Variants in SLIT3 observed in about 807,000 individuals in gnomAD.
The protein encoded by SLIT3 is slit homolog 3 protein.
Under a neutral mutation model 184.0 loss-of-function variants are expected in SLIT3, and 68 were observed. That is an observed-to-expected ratio of 0.37 (90% CI 0.30 to 0.45). The LOEUF (loss-of-function observed/expected upper bound fraction) is 0.45. Ranked by LOEUF, SLIT3 falls within the 20% of genes least tolerant of loss-of-function variation. SLIT3 has a pLI of 1.00. For missense variants in SLIT3, 1,707 were observed against 2,026.0 expected (o/e 0.84, Z 3.02); for synonymous variants, 831 against 828.6 (o/e 1.00, Z -0.05).
intron 4 of SLIT3, among the ~76,000 whole-genome samples, chr5:168,967,613 T>C (rs1215863571): frequency 6.9e-6 from 1 of 144,808 alleles, no homozygotes; most frequent in East Asian, 2.0e-4. Flanking sequence ...CTAATCTTTT[T>C]GTATTTTTAG....
chr5:168,743,275 C>T (rs184221266), intron 20 of SLIT3, among the ~76,000 whole-genome samples: 20 of 152,250 alleles, frequency 1.3e-4, no homozygotes, highest in East Asian at 9.6e-4. Context: ...ATGGCAACCC[C>T]GCCACAAGCA....
At chr5:168,669,197 A>T (rs1282477369) in intron 35 of SLIT3, among the ~76,000 whole-genome samples, 1 of 152,162 alleles carries the variant, frequency 6.6e-6, no homozygotes, top group African/African-American at 2.4e-5. Context: ...GACTGATGTA[A>T]CCAATGCAAT....
At chr5:168,896,201 A>G (rs1581188740) in intron 4 of SLIT3, among the ~76,000 whole-genome samples, 1 of 152,210 alleles carries the variant, frequency 6.6e-6, no homozygotes, top group Non-Finnish European at 1.5e-5. Flanking sequence ...ACCGTAGTGA[A>G]GGCACGGCTC....
At chr5:169,243,628 G>C (rs976792350) in intron 3 of SLIT3, among the ~76,000 whole-genome samples, 6 of 152,200 alleles carry the variant, frequency 3.9e-5, no homozygotes, top group Non-Finnish European at 5.9e-5. Flanking sequence ...TGTGGCCCCA[G>C]ATAAATTGAC....
intron 4 of SLIT3, among the ~76,000 whole-genome samples, chr5:169,163,307 C>A (rs1365619160): frequency 6.6e-6 from 1 of 151,418 alleles, no homozygotes; most frequent in African/African-American, 2.4e-5. Context: ...GGCCACCGTG[C>A]GAGGAAAAAA....
intron 6 of SLIT3, among the ~76,000 whole-genome samples, chr5:168,831,629 A>C (rs369070328): frequency 2.0e-5 from 3 of 152,118 alleles, no homozygotes; most frequent in Admixed American, 6.5e-5. Flanking sequence ...TTTTGTCTCA[A>C]TATTTGTACC....
chr5:169,056,461 C>T (rs1289229274), intron 4 of SLIT3, among the ~76,000 whole-genome samples: 3 of 152,196 alleles, frequency 2.0e-5, no homozygotes, highest in African/African-American at 7.2e-5. Context: ...CCAGGCATAA[C>T]TGATTTGTCT....
At chr5:169,015,793 G>A (rs1041083453) in intron 4 of SLIT3, among the ~76,000 whole-genome samples, 39 of 152,148 alleles carry the variant, frequency 2.6e-4, no homozygotes, top group Middle Eastern at 3.4e-3. Flanking sequence ...AATTAGCCAG[G>A]TGTGGTGGTA....
At position 168,755,948 on chromosome 5, in the gene SLIT3, G is replaced by A. The variant is rs573854595; in HGVS notation, c.1686-1941C>T. On this transcript the variant is annotated intron_variant, in intron 16 of 35. Coordinates refer to ENST00000519560, the MANE Select transcript of SLIT3 (RefSeq NM_003062.4). ...ATGCCTGGCCCTGGAAAGCATCCCT[G>A]GCCAGATGGATGAACTGAAGGTGAT... Among the ~76,000 whole-genome samples the A allele has an allele frequency of 1.1e-4, 17 of 152,304 alleles. No individual in the cohort carries two copies. In the East Asian group the frequency reaches 2.7e-3, roughly 24 times the overall value.
chr5:168,711,526 T>G (rs1443722625), intron 24 of SLIT3, among the ~76,000 whole-genome samples: 2 of 139,426 alleles, frequency 1.4e-5, no homozygotes, highest in Non-Finnish European at 3.0e-5. Context: ...AGAAATTCTG[T>G]TTTTTTTTTT....
chr5:169,179,222 T>C (rs1433663802), intron 4 of SLIT3, among the ~76,000 whole-genome samples: 1 of 151,282 alleles, frequency 6.6e-6, no homozygotes, highest in Non-Finnish European at 1.5e-5. Context: ...GAAAAAAAAA[T>C]AATTTGGAAG....
intron 4 of SLIT3, among the ~76,000 whole-genome samples, chr5:169,189,660 G>A (rs1253900228): frequency 1.3e-5 from 2 of 149,592 alleles, no homozygotes; most frequent in Admixed American, 6.7e-5. Flanking sequence ...GGAACTCCCA[G>A]TAGAGACAAA....
intron 27 of SLIT3, among the ~76,000 whole-genome samples, chr5:168,698,822 T>G (rs62377321): frequency 6.6e-6 from 1 of 152,220 alleles, no homozygotes; most frequent in South Asian, 2.1e-4. Context: ...CCCATTTCCC[T>G]GATCCTGTAG....
chr5:168,917,113 T>C (rs968296606), intron 4 of SLIT3, among the ~76,000 whole-genome samples: 4 of 152,192 alleles, frequency 2.6e-5, no homozygotes, highest in Non-Finnish European at 5.9e-5. Flanking sequence ...AGTGGGATGA[T>C]GAGTAACTAG....
At chr5:169,068,497 G>C (rs973373479) in intron 4 of SLIT3, among the ~76,000 whole-genome samples, 1 of 152,112 alleles carries the variant, frequency 6.6e-6, no homozygotes, top group African/African-American at 2.4e-5. Context: ...ATCACCAGAG[G>C]GTTTCGTTTA....
At chr5:168,973,104 A>C (rs1754635279) in intron 4 of SLIT3, among the ~76,000 whole-genome samples, 1 of 143,308 alleles carries the variant, frequency 7.0e-6, no homozygotes, top group Admixed American at 7.0e-5. Flanking sequence ...ATAATGGGAC[A>C]AAGACCAGTC....
chr5:169,043,472 A>G lies in SLIT3; in HGVS notation c.413+150007T>C, dbSNP rs543269175. 4.6e-5 allele frequency among the ~76,000 whole-genome samples: 7 copies of G among 152,362 alleles called. No homozygotes were observed. In the East Asian group the frequency reaches 1.3e-3, roughly 29 times the overall value. Reference sequence around the variant, plus strand: ...ATTATAAGTCTTAACCCCACTGTATAAAGGCAATAGAAACACCCAACTAAA... The same window carrying G: ...ATTATAAGTCTTAACCCCACTGTATGAAGGCAATAGAAACACCCAACTAAA... On this transcript the variant is annotated intron_variant, in intron 4 of 35. Transcript: ENST00000519560.
chr5:168,935,071 G>C (rs1762110098), intron 4 of SLIT3, among the ~76,000 whole-genome samples: 1 of 149,012 alleles, frequency 6.7e-6, no homozygotes, highest in South Asian at 2.1e-4. Context: ...CCGGGAGGTG[G>C]AGGTTGTAGG....
intron 5 of SLIT3, among the ~76,000 whole-genome samples, chr5:168,869,647 G>A (rs1263178418): frequency 6.6e-6 from 1 of 152,138 alleles, no homozygotes; most frequent in Non-Finnish European, 1.5e-5. Context: ...CCATCTCTCA[G>A]CCCAAGAAAT....
Sources: allele counts gnomAD v4.1 joint callset (sites outside exome capture counted in the v4.1 genomes callset), GRCh38; gene constraint gnomAD v4.1.1; transcripts MANE v1.5; gene names NCBI Gene and HGNC (gene_info 2026-07-23, HGNC 2026-07-21).